The following PRDM11 variants were observed in gnomAD, a reference collection of about 807,000 sequenced individuals.
The protein encoded by PRDM11 is PR/SET domain 11, also known as PR domain-containing protein 11.
PRDM11 carries 20 observed loss-of-function variants against 97.8 expected under a neutral mutation model. That is an observed-to-expected ratio of 0.20 (90% CI 0.14 to 0.30). The LOEUF (loss-of-function observed/expected upper bound fraction) is 0.30. PRDM11 is among the 10% of genes least tolerant of loss of function. The pLI, the probability that PRDM11 is intolerant of heterozygous loss-of-function variation, is 1.00. For synonymous variants in PRDM11, 599 were observed against 637.7 expected (o/e 0.94, Z 0.91); for missense variants, 1,139 against 1,555.2 (o/e 0.73, Z 4.50).
At chr11:45,099,405 C>A (rs371799190) in intron 1 of PRDM11, among the ~76,000 whole-genome samples, 14 of 142,082 alleles carry the variant, frequency 9.9e-5, no homozygotes, top group Admixed American at 9.5e-4. Context: ...GAGCCAAGAT[C>A]GTGCCACTGC....
intron 1 of PRDM11, among the ~76,000 whole-genome samples, chr11:45,133,108 T>C (rs950288416): frequency 3.3e-5 from 5 of 152,184 alleles, no homozygotes; most frequent in African/African-American, 1.2e-4. Flanking sequence ...CTCCCAACCT[T>C]TAAACAATAA....
At position 45,137,663 on chromosome 11, in the gene PRDM11, G is replaced by T. The variant is rs1324905694; in HGVS notation, c.96+41762G>T. On this transcript the variant is annotated intron_variant, in intron 1 of 6. Coordinates refer to the PRDM11 transcript ENST00000530656. ...CTCAGGAGGCTGAGATGGGAGGACT[G>T]CTTGAACCCAGCAAGGTTACAGTGA... Among the ~76,000 whole-genome samples, 3 of 152,162 alleles carry T rather than the reference G, an allele frequency of 2.0e-5. No homozygotes were observed. In the East Asian group the frequency reaches 5.8e-4, roughly 29 times the overall value.
chr11:45,177,424 G>C (rs544588678), intron 1 of PRDM11, among the ~76,000 whole-genome samples: 1 of 152,290 alleles, frequency 6.6e-6, no homozygotes, highest in South Asian at 2.1e-4. Context: ...GGCAACAGGG[G>C]CTTTACCTGG....
Position 45,208,460 on chromosome 11 carries a change from A to G in PRDM11, c.554+3682A>G, listed in dbSNP as rs80073971. 6.8e-3 allele frequency among the ~76,000 whole-genome samples: 1,029 copies of G among 152,286 alleles called. 30 individuals carry two copies. The East Asian group carries it at 0.098, about 14-fold the overall frequency. ...ATGGGCTAATCCTAATTTCAATAAG[A>G]TCCTTTACTGCTATCTTTAAGAGAT... On this transcript the variant is annotated intron_variant, in intron 5 of 7. Coordinates refer to ENST00000683152, the MANE Select transcript of PRDM11 (RefSeq NM_001384648.1).
chr11:45,205,183 A>G lies in PRDM11; in HGVS notation c.554+405A>G, dbSNP rs373672526. ...CCCAGCAGTTGTTTAAACAGCCTCC[A>G]TGGAAGAAAGGGCTCTGACAAAGTC... On this transcript the variant is annotated intron_variant, in intron 5 of 7. Coordinates refer to ENST00000683152, the MANE Select transcript of PRDM11 (RefSeq NM_001384648.1). Among the ~76,000 whole-genome samples the G allele has an allele frequency of 5.3e-5, 8 of 152,338 alleles. No homozygotes were observed. In the South Asian group the frequency reaches 1.0e-3, roughly 20 times the overall value.
At chr11:45,165,034 T>G (rs1852025696) in intron 1 of PRDM11, among the ~76,000 whole-genome samples, 1 of 152,144 alleles carries the variant, frequency 6.6e-6, no homozygotes, top group African/African-American at 2.4e-5. Flanking sequence ...TCATCCCCAT[T>G]TTATGTGGCA....
At position 45,227,257 on chromosome 11, in the gene PRDM11, A is replaced by C; in HGVS notation, c.2632A>C (p.Ile878Leu). Residue 878 changes from isoleucine to leucine, a missense_variant, in exon 8 of 8, where the codon ATC becomes CTC. Physicochemically the swap from Ile to Leu is conservative, Grantham distance 5. Around this residue, in one of 2 missense-constraint regions of PRDM11, gnomAD observed 710 missense variants for 1,044.9 expected, o/e 0.68. Coordinates refer to ENST00000683152, the MANE Select transcript of PRDM11 (RefSeq NM_001384648.1). The surrounding 1 kb of genome is among the most constrained non-coding windows in gnomAD (Gnocchi z 8.0). ...LLQFLMDYQS[I>L]KLIYFLLDVI... ...GCAGTTCCTCATGGACTACCAGTCC[A>C]TCAAGCTCATCTACTTCCTGCTGGA... 7 of 1,533,960 alleles carry C rather than the reference A, an allele frequency of 4.6e-6. No individual in the cohort carries two copies. Among genetic ancestry groups the C allele is most frequent in the Non-Finnish European group, 6.1e-6 (7 of 1,146,734 alleles).
rs924698906 is a variant in PRDM11, at chr11:45,230,730, A to G, written c.*2571A>G. On this transcript the variant is annotated 3_prime_UTR_variant, in exon 8 of 8. Coordinates refer to ENST00000683152, the MANE Select transcript of PRDM11 (RefSeq NM_001384648.1). Reference sequence around the variant, plus strand: ...GTTGCCTTACACCTTACATTGGGTAATGGGTAGGGAGGAGCAGGCTAAGGC... The same window carrying G: ...GTTGCCTTACACCTTACATTGGGTAGTGGGTAGGGAGGAGCAGGCTAAGGC... 3 of 152,240 alleles carry G rather than the reference A, an allele frequency of 2.0e-5. No individual in the cohort carries two copies. Among genetic ancestry groups the G allele is most frequent in the African/African-American group, 7.2e-5 (3 of 41,462 alleles). 9.4% of individuals were successfully genotyped at this position (152,240 alleles called of 1,614,324 possible).
Position 45,226,264 on chromosome 11 carries a change from A to G in PRDM11, c.1639A>G (p.Ile547Val). The change falls in exon 8 of 8, where the codon ATT (isoleucine) becomes GTT (valine). Residue 547 changes from isoleucine to valine, a missense_variant. Ile to Val is a conservative substitution (Grantham distance 29, BLOSUM62 3). Coordinates refer to ENST00000683152, the MANE Select transcript of PRDM11 (RefSeq NM_001384648.1). ...GTCCTCACGCACCTCGGCCTTCATC[A>G]TTGGCTCCAAGCAGTTTAAGATTCA... Reference protein sequence around the residue: ...VQSSRTSAFIIGSKQFKIHTI... With the variant: ...VQSSRTSAFIVGSKQFKIHTI... 2.0e-6 allele frequency: 3 copies of G among 1,533,978 alleles called. No individual in the cohort carries two copies. Among genetic ancestry groups the G allele is most frequent in the Non-Finnish European group, 2.6e-6 (3 of 1,146,740 alleles).
chr11:45,152,247 A>G (rs1004950511), intron 1 of PRDM11, among the ~76,000 whole-genome samples: 9 of 152,082 alleles, frequency 5.9e-5, no homozygotes, highest in Non-Finnish European at 1.0e-4. Flanking sequence ...TTGTATTTTC[A>G]GTAGAGACTG....
intron 1 of PRDM11, among the ~76,000 whole-genome samples, chr11:45,124,666 G>A (rs1328557820): frequency 2.0e-5 from 3 of 152,154 alleles, no homozygotes; most frequent in African/African-American, 7.2e-5. Context: ...TGTTGAACCA[G>A]CCTTGCATCC....
chr11:45,164,760 C>T (rs529718587), intron 1 of PRDM11, among the ~76,000 whole-genome samples: 2 of 152,284 alleles, frequency 1.3e-5, no homozygotes, highest in South Asian at 4.1e-4. Flanking sequence ...ATGGTGGGAA[C>T]GGCTTGGCAG....
intron 1 of PRDM11, among the ~76,000 whole-genome samples, chr11:45,126,557 G>A (rs1215691720): frequency 6.6e-6 from 1 of 152,064 alleles, no homozygotes. Flanking sequence ...CTCAGCATTT[G>A]CTTGTCTGTA....
Position 45,224,860 on chromosome 11 carries a change from G to A in PRDM11, c.1369+17G>A. Reference sequence around the variant, plus strand: ...ACCCTGCAGGTAAGTTGGTTTGGATGAGATTATTGTCGGAGGGCAGAGTAC... The same window carrying A: ...ACCCTGCAGGTAAGTTGGTTTGGATAAGATTATTGTCGGAGGGCAGAGTAC... On this transcript the variant is annotated intron_variant, in intron 7 of 7. Coordinates refer to ENST00000683152, the MANE Select transcript of PRDM11 (RefSeq NM_001384648.1). 6.2e-7 allele frequency: 1 copy of A among 1,612,172 alleles called. No individual in the cohort carries two copies. Among genetic ancestry groups the A allele is most frequent in the Non-Finnish European group, 8.5e-7 (1 of 1,180,016 alleles).
chr11:45,125,254 C>T (rs989077467), intron 1 of PRDM11, among the ~76,000 whole-genome samples: 22 of 151,596 alleles, frequency 1.5e-4, no homozygotes, highest in East Asian at 3.9e-4. Context: ...GTCTTGCTAG[C>T]GGTCTATCAA....
chr11:45,185,716 A>G (rs1197241830), intron 4 of PRDM11, among the ~76,000 whole-genome samples: 4 of 152,226 alleles, frequency 2.6e-5, no homozygotes. Context: ...ATTAGAGCAG[A>G]TAGAGATAGT....
intron 1 of PRDM11, among the ~76,000 whole-genome samples, chr11:45,099,451 A>G (rs1851935751): frequency 1.8e-5 from 1 of 56,524 alleles, no homozygotes; most frequent in Non-Finnish European, 3.2e-5. Context: ...ACTCCATCTT[A>G]AAAAAAAAAA....
At chr11:45,209,144 G>A (rs1194344796) in intron 5 of PRDM11, 1 of 455,824 alleles carries the variant, frequency 2.2e-6, no homozygotes, top group South Asian at 1.5e-5. Context: ...TCATGCAGCA[G>A]TCCCTGTCGG....
At chr11:45,217,604 G>C (rs1853995177) in intron 5 of PRDM11, among the ~76,000 whole-genome samples, 1 of 152,194 alleles carries the variant, frequency 6.6e-6, no homozygotes, top group Non-Finnish European at 1.5e-5. Flanking sequence ...CTCCTTCTGA[G>C]GTCTTGCAGC....
Sources: allele counts gnomAD v4.1 joint callset (sites outside exome capture counted in the v4.1 genomes callset), GRCh38; gene constraint gnomAD v4.1.1; regional missense constraint gnomAD v4.1.1; non-coding constraint Gnocchi (gnomAD v3.1); transcripts MANE v1.5; gene names NCBI Gene and HGNC (gene_info 2026-07-23, HGNC 2026-07-21).